The following FTCDNL1 variants were observed in gnomAD, a reference collection of about 807,000 sequenced individuals.
The protein encoded by FTCDNL1 is formiminotransferase cyclodeaminase N-terminal like, also known as formiminotransferase N-terminal subdomain-containing protein.
A neutral mutation model predicts 5.9 loss-of-function variants in FTCDNL1; 11 were observed. That is an observed-to-expected ratio of 1.87 (90% CI 1.18 to 3.10). FTCDNL1 has a LOEUF of 3.10. FTCDNL1 is among the 30% of genes most tolerant of loss of function. FTCDNL1 has a pLI of 0.00. For missense variants in FTCDNL1, 115 were observed against 65.5 expected (o/e 1.76, Z -2.61); for synonymous variants, 58 against 24.8 (o/e 2.34, Z -3.99).
At chr2:199,721,824 G>A in the FTCDNL1 span, among the ~76,000 whole-genome samples, 1 of 152,126 alleles carries the variant, frequency 6.6e-6, no homozygotes, top group Non-Finnish European at 1.5e-5. Flanking sequence ...CATTCTGACT[G>A]GTGTGAGATG....
chr2:199,759,389 C>T (rs865885523), downstream of FTCDNL1, among the ~76,000 whole-genome samples: 3 of 151,288 alleles, frequency 2.0e-5, no homozygotes, highest in East Asian at 3.9e-4. Flanking sequence ...GCACTCCCTG[C>T]GAGTTAGGAG....
At chr2:199,749,935 T>C in the FTCDNL1 span, among the ~76,000 whole-genome samples, 2 of 151,840 alleles carry the variant, frequency 1.3e-5, no homozygotes, top group African/African-American at 4.8e-5. Flanking sequence ...ATCACAGCGA[T>C]GGACACCCCA....
chr2:199,793,868 T>C (rs1700051903), intron 3 of FTCDNL1, among the ~76,000 whole-genome samples: 1 of 152,242 alleles, frequency 6.6e-6, no homozygotes, highest in Admixed American at 6.5e-5. Flanking sequence ...CAGATACTCA[T>C]TATACGTGTA....
chr2:199,760,081 T>A (rs1298045848), downstream of FTCDNL1, among the ~76,000 whole-genome samples: 1 of 152,090 alleles, frequency 6.6e-6, no homozygotes, highest in Non-Finnish European at 1.5e-5. Flanking sequence ...TTAAAAAAGA[T>A]TAGGAACTTG....
chr2:199,700,172 T>G, the FTCDNL1 span, among the ~76,000 whole-genome samples: 1 of 152,156 alleles, frequency 6.6e-6, no homozygotes, highest in Non-Finnish European at 1.5e-5. Context: ...GCCCAAAGGC[T>G]CCTAGATCTG....
At chr2:199,749,987 A>G in the FTCDNL1 span, among the ~76,000 whole-genome samples, 4 of 151,442 alleles carry the variant, frequency 2.6e-5, no homozygotes, top group African/African-American at 9.7e-5. Context: ...GCCTGTATCA[A>G]AATATTTCAG....
At chr2:199,704,052 G>C in the FTCDNL1 span, among the ~76,000 whole-genome samples, 1 of 152,078 alleles carries the variant, frequency 6.6e-6, no homozygotes, top group Non-Finnish European at 1.5e-5. Flanking sequence ...CCCCTCAGAG[G>C]ACAATTGAAT....
At chr2:199,683,373 C>T in the FTCDNL1 span, among the ~76,000 whole-genome samples, 1 of 152,102 alleles carries the variant, frequency 6.6e-6, no homozygotes, top group Admixed American at 6.6e-5. Context: ...ACACATGCTA[C>T]AAAGTGAATT....
intron 3 of FTCDNL1, among the ~76,000 whole-genome samples, chr2:199,763,018 A>G (rs976161661): frequency 3.3e-5 from 5 of 152,252 alleles, no homozygotes; most frequent in African/African-American, 1.2e-4. Flanking sequence ...AATGCAGTCA[A>G]TTAAACAGGG....
At chr2:199,779,777 T>C (rs932841933) in intron 3 of FTCDNL1, among the ~76,000 whole-genome samples, 1 of 152,056 alleles carries the variant, frequency 6.6e-6, no homozygotes, top group African/African-American at 2.4e-5. Flanking sequence ...CTCCAGCAAA[T>C]GTGCTTGAGA....
At chr2:199,784,842 G>C (rs781618419) in intron 3 of FTCDNL1, among the ~76,000 whole-genome samples, 1 of 152,130 alleles carries the variant, frequency 6.6e-6, no homozygotes, top group Non-Finnish European at 1.5e-5. Context: ...GGGGAAACAG[G>C]GGCTTCTAGA....
At chr2:199,703,219 C>A in the FTCDNL1 span, among the ~76,000 whole-genome samples, 2 of 151,392 alleles carry the variant, frequency 1.3e-5, no homozygotes, top group African/African-American at 2.4e-5. Context: ...CCCCACCCCA[C>A]AACAGTCCCC....
chr2:199,747,405 T>C, the FTCDNL1 span, among the ~76,000 whole-genome samples: 2 of 152,166 alleles, frequency 1.3e-5, no homozygotes, highest in African/African-American at 2.4e-5. Context: ...TGGAGTGTGC[T>C]GTGAAGAAGG....
chr2:199,849,680 GA>G (rs2076824429), intron 1 of FTCDNL1, among the ~76,000 whole-genome samples: 1 of 152,088 alleles, frequency 6.6e-6, no homozygotes, highest in Non-Finnish European at 1.5e-5. Flanking sequence ...AGGTTGCTTT[GA>G]TACTTTTTAG....
intron 3 of FTCDNL1, among the ~76,000 whole-genome samples, chr2:199,803,985 C>G (rs1314561845): frequency 6.6e-6 from 1 of 152,180 alleles, no homozygotes; most frequent in Non-Finnish European, 1.5e-5. Context: ...AGGGTTCACT[C>G]AAGACTTCTT....
At chr2:199,729,560 A>G in the FTCDNL1 span, among the ~76,000 whole-genome samples, 1 of 152,206 alleles carries the variant, frequency 6.6e-6, no homozygotes, top group East Asian at 1.9e-4. Context: ...CACCAATAAC[A>G]GACAAACAGA....
intron 3 of FTCDNL1, among the ~76,000 whole-genome samples, chr2:199,772,398 G>A (rs562156740): frequency 3.1e-4 from 47 of 152,188 alleles, no homozygotes; most frequent in Non-Finnish European, 5.9e-4. Flanking sequence ...CTTGTGACAC[G>A]TTGGGCTTCC....
At chr2:199,842,079 C>T (rs191490307) in intron 3 of FTCDNL1, among the ~76,000 whole-genome samples, 340 of 150,442 alleles carry the variant, frequency 2.3e-3, no homozygotes, top group Non-Finnish European at 3.3e-3. Flanking sequence ...GCTAACATGG[C>T]AAAACCCCAT....
rs770728990 is a variant in FTCDNL1, at chr2:199,844,638, G to A, written c.211+1437C>T. On this transcript the variant is annotated intron_variant, in intron 3 of 4. Transcript: ENST00000420128. Reference sequence around the variant, plus strand: ...TAGTTGTTTTTCTTCTGTAATCTGTGTAGAAGATTTTTTGTCCAAAATAAT... The same window carrying A: ...TAGTTGTTTTTCTTCTGTAATCTGTATAGAAGATTTTTTGTCCAAAATAAT... The A allele has an allele frequency of 2.5e-4, 106 of 421,078 alleles. 1 individual carries two copies. The highest frequency in any genetic ancestry group is 4.1e-4 in the Non-Finnish European group (97 of 236,300). 26.1% of individuals were successfully genotyped at this position (421,078 alleles called of 1,614,324 possible). A position where few individuals can be genotyped will look rare whatever the true frequency, so the allele number is the denominator to read the frequency against.
Sources: gnomAD v4.1 joint callset for allele counts (sites outside exome capture counted in the v4.1 genomes callset) on GRCh38, gnomAD v4.1.1 for gene constraint, MANE v1.5 for transcripts, NCBI Gene and HGNC (gene_info 2026-07-23, HGNC 2026-07-21) for gene names.